Variants in CSMD1 observed in about 807,000 individuals in gnomAD.
CSMD1 encodes the protein CUB and sushi domain-containing protein 1.
CSMD1 carries 213 observed loss-of-function variants against 417.5 expected under a neutral mutation model. The ratio of observed to expected loss-of-function variants is 0.51; its 90% CI spans 0.46 to 0.57. The LOEUF is 0.57. Among genes scored for constraint, CSMD1 ranks in the 20% least tolerant of loss-of-function variants. The pLI, the probability that CSMD1 is intolerant of heterozygous loss-of-function variation, is 0.00. For missense variants in CSMD1, 6,923 were observed against 4,529.7 expected (o/e 1.53, Z -15.17); for synonymous variants, 2,862 against 1,736.8 (o/e 1.65, Z -16.11).
At chr8:3,509,931 G>A (rs555734421) in intron 10 of CSMD1, among the ~76,000 whole-genome samples, 1 of 152,106 alleles carries the variant, frequency 6.6e-6, no homozygotes, top group South Asian at 2.1e-4. Flanking sequence ...TAAGTTGCTG[G>A]CATTTCAGCC....
At chr8:4,348,565 G>C (rs371323406) in intron 3 of CSMD1, among the ~76,000 whole-genome samples, 1 of 147,128 alleles carries the variant, frequency 6.8e-6, no homozygotes, top group South Asian at 2.2e-4. Context: ...GTGCACATGT[G>C]TGCATCTGTG....
At chr8:4,966,601 G>C (rs887383665) in intron 1 of CSMD1, among the ~76,000 whole-genome samples, 6 of 152,146 alleles carry the variant, frequency 3.9e-5, no homozygotes, top group Non-Finnish European at 7.4e-5. Context: ...TTGTGATTGA[G>C]AGGTACTGTC....
intron 10 of CSMD1, among the ~76,000 whole-genome samples, chr8:3,498,033 T>C (rs1796439450): frequency 6.6e-6 from 1 of 152,230 alleles, no homozygotes; most frequent in Non-Finnish European, 1.5e-5. Flanking sequence ...AATAATTTTA[T>C]TCTTACAACT....
chr8:4,729,056 G>C (rs1225267433), intron 1 of CSMD1, among the ~76,000 whole-genome samples: 1 of 152,156 alleles, frequency 6.6e-6, no homozygotes, highest in East Asian at 1.9e-4. Flanking sequence ...CTGATGACCT[G>C]AATATAGACA....
At chr8:3,910,234 G>T (rs1413969721) in intron 5 of CSMD1, among the ~76,000 whole-genome samples, 3 of 152,156 alleles carry the variant, frequency 2.0e-5, no homozygotes, top group African/African-American at 4.8e-5. Context: ...GAATTGTGGG[G>T]TGGGGAGGAA....
At chr8:4,006,034 T>A (rs1259793548) in intron 4 of CSMD1, among the ~76,000 whole-genome samples, 1 of 152,120 alleles carries the variant, frequency 6.6e-6, no homozygotes, top group East Asian at 1.9e-4. Flanking sequence ...AGGACAGATT[T>A]GAAAAAAAGG....
intron 2 of CSMD1, among the ~76,000 whole-genome samples, chr8:4,520,946 T>C (rs918335537): frequency 8.5e-5 from 13 of 152,198 alleles, no homozygotes; most frequent in East Asian, 3.9e-4. Flanking sequence ...ATATCAGTTA[T>C]GAATTTTTAA....
intron 2 of CSMD1, among the ~76,000 whole-genome samples, chr8:4,463,792 C>T (rs1799986273): frequency 6.6e-6 from 1 of 152,070 alleles, no homozygotes; most frequent in South Asian, 2.1e-4. Context: ...GGGTTTTTTG[C>T]ATTAAACATC....
At chr8:4,321,839 C>T (rs965241999) in intron 3 of CSMD1, among the ~76,000 whole-genome samples, 6 of 152,000 alleles carry the variant, frequency 3.9e-5, no homozygotes, top group African/African-American at 7.2e-5. Flanking sequence ...AGTTACACTA[C>T]TTGACACGTA....
chr8:4,207,220 A>G (rs1283855452), intron 3 of CSMD1, among the ~76,000 whole-genome samples: 1 of 152,220 alleles, frequency 6.6e-6, no homozygotes, highest in Non-Finnish European at 1.5e-5. Context: ...GAAAAGTTGT[A>G]TAACATGCAA....
intron 3 of CSMD1, among the ~76,000 whole-genome samples, chr8:4,116,052 T>C (rs919996044): frequency 3.3e-5 from 5 of 151,756 alleles, no homozygotes; most frequent in African/African-American, 1.2e-4. Flanking sequence ...CCAGGCTAGA[T>C]TGTAGTGGCA....
chr8:4,528,435 C>T (rs1410784813), intron 2 of CSMD1, among the ~76,000 whole-genome samples: 2 of 152,316 alleles, frequency 1.3e-5, no homozygotes, highest in Non-Finnish European at 2.9e-5. Flanking sequence ...TTTACCATAT[C>T]TACCACAGAT....
intron 2 of CSMD1, among the ~76,000 whole-genome samples, chr8:4,427,294 C>G (rs531314927): frequency 2.1e-4 from 32 of 152,210 alleles, no homozygotes; most frequent in Admixed American, 9.8e-4. Flanking sequence ...GTGAGCAGGT[C>G]TTGGTACTGT....
intron 4 of CSMD1, among the ~76,000 whole-genome samples, chr8:4,007,545 T>A (rs1489390039): frequency 6.6e-6 from 1 of 151,772 alleles, no homozygotes; most frequent in Non-Finnish European, 1.5e-5. Flanking sequence ...GCTTCCCACC[T>A]CTCCATCCTG....
chr8:4,363,674 C>T (rs1378677796), intron 3 of CSMD1, among the ~76,000 whole-genome samples: 1 of 152,186 alleles, frequency 6.6e-6, no homozygotes, highest in Admixed American at 6.5e-5. Context: ...AAAAGCATTA[C>T]ATCGCTCTGT....
chr8:3,967,737 C>G (rs182077432), intron 5 of CSMD1, among the ~76,000 whole-genome samples: 3 of 152,000 alleles, frequency 2.0e-5, no homozygotes, highest in Admixed American at 6.6e-5. Flanking sequence ...CCAACAAAGG[C>G]CAAGAAGAAA....
intron 2 of CSMD1, among the ~76,000 whole-genome samples, chr8:4,561,613 T>C (rs1798335668): frequency 6.6e-6 from 1 of 152,028 alleles, no homozygotes; most frequent in South Asian, 2.1e-4. Context: ...GCCCAGGAGA[T>C]TGAGGCCGCA....
chr8:4,143,371 CTTT>C (rs71534385), intron 3 of CSMD1, among the ~76,000 whole-genome samples: 33 of 112,880 alleles, frequency 2.9e-4, no homozygotes, highest in Middle Eastern at 4.5e-3. Context: ...CGTCTTATCC[CTTT>C]TTTTTTTTTT....
chr8:3,795,186 T>C (rs76437089), intron 5 of CSMD1, among the ~76,000 whole-genome samples: 8,208 of 99,774 alleles, frequency 0.082, 1,481 homozygotes, highest in East Asian at 0.12. Context: ...CAGCTATAGA[T>C]ACCTATCATG....
Sources: allele counts gnomAD v4.1 joint callset (sites outside exome capture counted in the v4.1 genomes callset), GRCh38; gene constraint gnomAD v4.1.1; transcripts MANE v1.5; gene names NCBI Gene and HGNC (gene_info 2026-07-23, HGNC 2026-07-21).